The following ALS2 variants were observed in gnomAD, a reference collection of about 807,000 sequenced individuals.
ALS2 encodes the protein alsin.
A neutral mutation model predicts 203.4 loss-of-function variants in ALS2; 117 were observed. The ratio of observed to expected loss-of-function variants is 0.58; its 90% CI spans 0.50 to 0.67. The LOEUF (loss-of-function observed/expected upper bound fraction) is 0.67. Ranked by LOEUF, ALS2 falls within the 30% of genes least tolerant of loss-of-function variation. ALS2 has a pLI of 0.00. For synonymous variants in ALS2, 718 were observed against 725.9 expected, an observed-to-expected ratio of 0.99 and a Z score of 0.17; for missense variants, 1,715 against 1,989.4, an observed-to-expected ratio of 0.86 and a Z score of 2.62.
At chr2:201,732,906 G>C (rs11888218) in intron 13 of ALS2, among the ~76,000 whole-genome samples, 1 of 151,498 alleles carries the variant, frequency 6.6e-6, no homozygotes, top group Non-Finnish European at 1.5e-5. Context: ...TGCCTTACAG[G>C]TGTATGCCAT....
chr2:201,763,560 C>G (rs1391671553), intron 3 of ALS2: 1 of 316,164 alleles, frequency 3.2e-6, no homozygotes, highest in Non-Finnish European at 5.6e-6. Context: ...CAGGCTCTAG[C>G]TGTGGCTACA....
intron 12 of ALS2, 107 bp downstream of exon 12, chr2:201,738,563 G>A: frequency 9.4e-7 from 1 of 1,059,654 alleles, no homozygotes; most frequent in South Asian, 1.3e-5. Flanking sequence ...TGACTTGTTT[G>A]GTAAAATGAT....
At chr2:201,760,133 G>C (rs1450806238) in intron 4 of ALS2, 1 of 598,364 alleles carries the variant, frequency 1.7e-6, no homozygotes, top group African/African-American at 2.0e-5. Context: ...GATGAGCCTG[G>C]GCAACAGGCT....
At chr2:201,727,319 C>A (rs1444778948) in intron 16 of ALS2, 41 bp from the exon 17 acceptor site, 3 of 1,466,614 alleles carry the variant, frequency 2.0e-6, no homozygotes, top group Non-Finnish European at 1.9e-6. Context: ...CATTTAACAA[C>A]CTGTCATTAC....
intron 25 of ALS2, among the ~76,000 whole-genome samples, chr2:201,713,619 G>T (rs1195318694): frequency 6.6e-6 from 1 of 152,130 alleles, no homozygotes; most frequent in South Asian, 2.1e-4. Flanking sequence ...TACAATAAGT[G>T]ATTTCGGTTA....
At chr2:201,720,614 T>A (rs932043709) in intron 23 of ALS2, among the ~76,000 whole-genome samples, 2 of 148,580 alleles carry the variant, frequency 1.3e-5, no homozygotes, top group Non-Finnish European at 3.0e-5. Flanking sequence ...CTTGGGGGGC[T>A]GAGGAGGGAG....
At chr2:201,748,912 C>T (rs62193435) in intron 8 of ALS2, among the ~76,000 whole-genome samples, 12,054 of 152,232 alleles carry the variant, frequency 0.079, 636 homozygotes, top group Non-Finnish European at 0.11. Context: ...CTAAAATTGA[C>T]GTAATTGCCC....
intron 8 of ALS2, 21 bp from the exon 9 acceptor site, chr2:201,746,769 T>C: frequency 1.2e-6 from 2 of 1,613,824 alleles, no homozygotes; most frequent in South Asian, 1.1e-5. Context: ...AGAAAGATAG[T>C]GTCTGTCCAA....
chr2:201,758,030 G>A (rs1029542759), intron 4 of ALS2, among the ~76,000 whole-genome samples: 1 of 151,982 alleles, frequency 6.6e-6, no homozygotes, highest in Non-Finnish European at 1.5e-5. Flanking sequence ...AATAAGCCTC[G>A]GCTGCTTTTA....
At chr2:201,758,727 A>G (rs1224651156) in intron 4 of ALS2, among the ~76,000 whole-genome samples, 2 of 145,128 alleles carry the variant, frequency 1.4e-5, no homozygotes, top group African/African-American at 5.2e-5. Context: ...TTTGTCCTAA[A>G]CTAAAATACA....
chr2:201,739,050 G>A (rs1692075264), intron 11 of ALS2, among the ~76,000 whole-genome samples: 1 of 151,698 alleles, frequency 6.6e-6, no homozygotes, highest in Non-Finnish European at 1.5e-5. Flanking sequence ...ATCAGCCTGG[G>A]CAGCATGGGG....
At chr2:201,727,821 C>A in intron 15 of ALS2, 46 bp from the exon 16 acceptor site, 1 of 1,512,304 alleles carries the variant, frequency 6.6e-7, no homozygotes, top group East Asian at 2.5e-5. Flanking sequence ...CCCATGTAGA[C>A]CTCGGGGACT....
At chr2:201,722,687 A>G (rs951273312) in intron 23 of ALS2, 23 of 212,112 alleles carry the variant, frequency 1.1e-4, no homozygotes, top group Middle Eastern at 3.8e-3. Context: ...GGAAAAAACA[A>G]AAACATTATA....
intron 7 of ALS2, among the ~76,000 whole-genome samples, chr2:201,752,650 T>C (rs1174010840): frequency 6.6e-6 from 1 of 152,176 alleles, no homozygotes. Context: ...TATTAACTTA[T>C]TGCAGATGAG....
chr2:201,773,725 G>T (rs1235203939), intron 1 of ALS2, among the ~76,000 whole-genome samples: 1 of 152,148 alleles, frequency 6.6e-6, no homozygotes, highest in African/African-American at 2.4e-5. Context: ...AATGTCATTG[G>T]GTATATGGAA....
rs767248077 is a variant in ALS2, at chr2:201,767,225, T to A, written c.175+4A>T. On this transcript the variant is annotated splice_donor_region_variant and intron_variant, in intron 3 of 33. Coordinates refer to ENST00000264276, the MANE Select transcript of ALS2 (RefSeq NM_020919.4). ...CGTATTTGTTACGCCATTCTTTTCA[T>A]TACCTTCAGTCAGAAGAACTCCATG... 1 of 1,614,094 alleles carries A rather than the reference T, an allele frequency of 6.2e-7. No individual in the cohort carries two copies. The highest frequency in any genetic ancestry group is 2.2e-5 in the East Asian group (1 of 44,868).
At position 201,704,149 on chromosome 2, in the gene ALS2, T is replaced by C. The variant is rs1385349652; in HGVS notation, c.4908A>G (p.Glu1636=). The C allele has an allele frequency of 4.3e-6, 7 of 1,613,806 alleles. No homozygotes were observed. The highest frequency in any genetic ancestry group is 2.2e-5 in the South Asian group (2 of 91,076). The change falls in exon 33 of 34, where the codon GAA becomes GAG. Residue 1636 remains glutamate (E), a synonymous_variant. Transcript: ENST00000264276. ...DLMDPYLQHG[E]QGIMFTTLKA... ...TCAAGGTGGTGAACATTATACCCTG[T>C]TCCCCATGCTGAAGATAGGGGTCCA...
Position 201,727,231 on chromosome 2 carries a change from G to A in ALS2, c.2960C>T (p.Ser987Leu). The change falls in exon 17 of 34, where the codon TCA (serine) becomes TTA (leucine). Residue 987 changes from serine to leucine, a missense_variant. Around this residue, in one of 3 missense-constraint regions of ALS2, gnomAD observed 1,227 missense variants for 1,413.5 expected, o/e 0.87. Transcript: ENST00000264276. Reference protein sequence around the residue: ...TTPEEQFTLISSTPQEKTKWL... With the variant: ...TTPEEQFTLILSTPQEKTKWL... ...ACTAACCTTTTCCTGGGGTGTAGAT[G>A]AAATGAGAGTGAACTGCTCCTCAGG... The A allele has an allele frequency of 6.2e-7, 1 of 1,613,192 alleles. No individual in the cohort carries two copies. Among genetic ancestry groups the A allele is most frequent in the Non-Finnish European group, 8.5e-7 (1 of 1,179,460 alleles).
At chr2:201,755,814 C>A (rs760281511) in intron 5 of ALS2, among the ~76,000 whole-genome samples, 2 of 152,096 alleles carry the variant, frequency 1.3e-5, no homozygotes, top group East Asian at 1.9e-4. Context: ...CAAACACACA[C>A]AACACTATGT....
Sources: gnomAD v4.1 joint callset for allele counts (sites outside exome capture counted in the v4.1 genomes callset) on GRCh38, gnomAD v4.1.1 for gene constraint, gnomAD v4.1.1 regional missense constraint, MANE v1.5 for transcripts, NCBI Gene and HGNC (gene_info 2026-07-23, HGNC 2026-07-21) for gene names.